The following TSPAN9 variants were observed in gnomAD, a reference collection of about 807,000 sequenced individuals.
TSPAN9 encodes tetraspanin 9.
TSPAN9 carries 16 observed loss-of-function variants against 31.0 expected under a neutral mutation model. The observed-to-expected ratio is 0.52, with a 90% CI of 0.35 to 0.78. The LOEUF (loss-of-function observed/expected upper bound fraction) is 0.78. TSPAN9 is among the 30% of genes least tolerant of loss of function. The pLI, the probability that TSPAN9 is intolerant of heterozygous loss-of-function variation, is 0.01. For missense variants in TSPAN9, 272 were observed against 312.5 expected (o/e 0.87, Z 0.98); for synonymous variants, 145 against 121.6 (o/e 1.19, Z -1.27).
intron 3 of TSPAN9, among the ~76,000 whole-genome samples, chr12:3,227,724 T>C (rs550130687): frequency 1.3e-5 from 2 of 152,290 alleles, no homozygotes; most frequent in East Asian, 3.9e-4. Context: ...GTCCTCTCCA[T>C]GTGAGGCAGG....
At chr12:3,269,725 C>T (rs999036184) in intron 3 of TSPAN9, among the ~76,000 whole-genome samples, 2 of 152,264 alleles carry the variant, frequency 1.3e-5, no homozygotes, top group African/African-American at 2.4e-5. Context: ...GCAGGAGCTG[C>T]ACGGGCTGGT....
chr12:3,219,924 G>C (rs1327410063), intron 3 of TSPAN9, among the ~76,000 whole-genome samples: 1 of 151,840 alleles, frequency 6.6e-6, no homozygotes, highest in African/African-American at 2.4e-5. Context: ...GAAGGCTGCG[G>C]CGGGCGGATC....
intron 3 of TSPAN9, among the ~76,000 whole-genome samples, chr12:3,277,338 C>G (rs913640551): frequency 6.6e-6 from 1 of 152,228 alleles, no homozygotes; most frequent in Non-Finnish European, 1.5e-5. Context: ...CCTCCTTCAA[C>G]TGGCTTCCAT....
At position 3,168,842 on chromosome 12, in the gene TSPAN9, T is replaced by G. The variant is rs61029949; in HGVS notation, c.-17-32335T>G. ...GAATGAATCAGATGCGCTGCCTCGA[T>G]GGCCCCGCCTCCCTCCCGGCCAGTG... On this transcript the variant is annotated intron_variant, in intron 2 of 8. Transcript: ENST00000011898. This position sits in a 1 kb window ranked among gnomAD's most constrained non-coding sequence, Gnocchi z 4.0. Among the ~76,000 whole-genome samples, 5,216 of 152,268 alleles carry G rather than the reference T, an allele frequency of 0.034. 305 individuals are homozygous for G. Among genetic ancestry groups the G allele is most frequent in the African/African-American group, 0.12 (4,935 of 41,526 alleles).
chr12:3,151,948 C>T (rs980277643), intron 2 of TSPAN9, among the ~76,000 whole-genome samples: 3 of 152,050 alleles, frequency 2.0e-5, no homozygotes, highest in East Asian at 1.9e-4. Context: ...AACACACAGC[C>T]GATCTTTGGA....
At chr12:3,200,891 C>G in intron 2 of TSPAN9, 4 of 345,300 alleles carry the variant, frequency 1.2e-5, no homozygotes, top group Non-Finnish European at 1.6e-5. Context: ...ATGCCCCCCG[C>G]TCCTCGCACC....
intron 2 of TSPAN9, among the ~76,000 whole-genome samples, chr12:3,087,349 T>C (rs978936793): frequency 6.6e-6 from 1 of 150,914 alleles, no homozygotes; most frequent in African/African-American, 2.5e-5. Context: ...CTAATAAGAA[T>C]AGAAAAAAAA....
chr12:3,119,863 G>A (rs185299787), intron 2 of TSPAN9, among the ~76,000 whole-genome samples: 65 of 152,248 alleles, frequency 4.3e-4, no homozygotes, highest in Admixed American at 8.5e-4. Flanking sequence ...GGGGAAGTAC[G>A]GTGCCCTGTC....
intron 2 of TSPAN9, among the ~76,000 whole-genome samples, chr12:3,133,270 C>T (rs1027323666): frequency 6.6e-5 from 10 of 152,254 alleles, no homozygotes; most frequent in East Asian, 1.9e-4. Flanking sequence ...GGCTCTGTCC[C>T]GGGAGGCCTG....
chr12:3,149,087 A>G (rs1445463202), intron 2 of TSPAN9, among the ~76,000 whole-genome samples: 1 of 152,236 alleles, frequency 6.6e-6, no homozygotes, highest in East Asian at 1.9e-4. Context: ...TTTATTGAAA[A>G]GAATAGAAAT....
chr12:3,169,034 A>C (rs556280836), intron 2 of TSPAN9, among the ~76,000 whole-genome samples: 1 of 152,224 alleles, frequency 6.6e-6, no homozygotes, highest in Non-Finnish European at 1.5e-5. Flanking sequence ...CCCTGGCAAC[A>C]GTCTGCCAGG....
intron 2 of TSPAN9, among the ~76,000 whole-genome samples, chr12:3,193,049 G>A (rs2098365265): frequency 6.6e-6 from 1 of 152,030 alleles, no homozygotes; most frequent in Non-Finnish European, 1.5e-5. Context: ...CCATTTTCTA[G>A]CTGAAGAAAC....
At chr12:3,199,685 C>T (rs1054377999) in intron 2 of TSPAN9, among the ~76,000 whole-genome samples, 1 of 152,174 alleles carries the variant, frequency 6.6e-6, no homozygotes, top group Non-Finnish European at 1.5e-5. Context: ...GGCAAGGGTT[C>T]GCGCAGCTGC....
chr12:3,148,099 G>A (rs972325440), intron 2 of TSPAN9, among the ~76,000 whole-genome samples: 6 of 152,142 alleles, frequency 3.9e-5, no homozygotes, highest in African/African-American at 1.4e-4. Context: ...TGAAAGAAAG[G>A]GAGGAAGGGC....
chr12:3,281,401 G>A, intron 7 of TSPAN9, 72 bp downstream of exon 7: 1 of 1,481,476 alleles, frequency 6.8e-7, no homozygotes, highest in Non-Finnish European at 8.9e-7. Flanking sequence ...AGCCCTATAG[G>A]GGAGGCTGGG....
intron 2 of TSPAN9, among the ~76,000 whole-genome samples, chr12:3,157,464 C>A (rs562865841): frequency 5.8e-4 from 89 of 152,292 alleles, no homozygotes; most frequent in African/African-American, 2.1e-3. Flanking sequence ...TCAAGCTTAG[C>A]CCTCTGACCT....
chr12:3,231,775 T>C (rs140832944), intron 3 of TSPAN9, among the ~76,000 whole-genome samples: 7 of 152,346 alleles, frequency 4.6e-5, no homozygotes, highest in East Asian at 1.9e-4. Flanking sequence ...GCCTTTCACT[T>C]TGGGGGCTGT....
chr12:3,263,168 C>G (rs1862482385), intron 3 of TSPAN9, among the ~76,000 whole-genome samples: 1 of 152,208 alleles, frequency 6.6e-6, no homozygotes, highest in Non-Finnish European at 1.5e-5. Flanking sequence ...CCTTACCTGT[C>G]TCATACAGCC....
chr12:3,260,804 G>A (rs1026156569), intron 3 of TSPAN9, among the ~76,000 whole-genome samples: 2 of 152,190 alleles, frequency 1.3e-5, no homozygotes, highest in African/African-American at 4.8e-5. Flanking sequence ...GGAGGGAAGG[G>A]CGTGGCTGGT....
Sources: gnomAD v4.1 joint callset for allele counts (sites outside exome capture counted in the v4.1 genomes callset) on GRCh38, gnomAD v4.1.1 for gene constraint, Gnocchi (gnomAD v3.1) non-coding constraint, MANE v1.5 for transcripts, NCBI Gene and HGNC (gene_info 2026-07-23, HGNC 2026-07-21) for gene names.